SORCS3: variants seen among roughly 807,000 people sequenced by gnomAD.
The protein encoded by SORCS3 is sortilin related VPS10 domain containing receptor 3.
SORCS3 carries 57 observed loss-of-function variants against 146.3 expected under a neutral mutation model. The ratio of observed to expected loss-of-function variants is 0.39; its 90% CI spans 0.31 to 0.49. The LOEUF (loss-of-function observed/expected upper bound fraction) is 0.49, where lower values mean the gene tolerates loss of function less well. Among genes scored for constraint, SORCS3 ranks in the 20% least tolerant of loss-of-function variants. The pLI is 0.92. For missense variants in SORCS3, 1,341 were observed against 1,575.5 expected (o/e 0.85, Z 2.52); for synonymous variants, 653 against 618.5 (o/e 1.06, Z -0.83).
At chr10:105,245,023 C>G (rs373455247) in intron 20 of SORCS3, among the ~76,000 whole-genome samples, 2 of 146,014 alleles carry the variant, frequency 1.4e-5, no homozygotes, top group Non-Finnish European at 3.0e-5. Context: ...GAGCCGAGAT[C>G]GCATCATTGC....
At chr10:105,144,986 G>T (rs931075465) in intron 8 of SORCS3, among the ~76,000 whole-genome samples, 1 of 152,112 alleles carries the variant, frequency 6.6e-6, no homozygotes. Flanking sequence ...CCTGGACTTA[G>T]ATGCACCAGA....
At chr10:104,722,929 G>A (rs1377494239) in intron 1 of SORCS3, among the ~76,000 whole-genome samples, 1 of 152,210 alleles carries the variant, frequency 6.6e-6, no homozygotes, top group Middle Eastern at 3.4e-3. Flanking sequence ...CAAAAAACCA[G>A]CTCCTGTATT....
intron 1 of SORCS3, among the ~76,000 whole-genome samples, chr10:104,671,714 T>C (rs2015856650): frequency 6.6e-6 from 1 of 152,066 alleles, no homozygotes; most frequent in African/African-American, 2.4e-5. Flanking sequence ...CAAATGCTTT[T>C]TCTGCATCAA....
chr10:105,089,645 T>A (rs1397969143), intron 5 of SORCS3, 130 bp from the exon 6 acceptor site: 4 of 709,304 alleles, frequency 5.6e-6, no homozygotes, highest in Admixed American at 2.1e-5. Flanking sequence ...ATTCTGCTGG[T>A]TCCCATACTG....
At chr10:104,752,041 CT>C (rs1204062413) in intron 1 of SORCS3, among the ~76,000 whole-genome samples, 44 of 130,132 alleles carry the variant, frequency 3.4e-4, no homozygotes, top group Non-Finnish European at 4.3e-4. Flanking sequence ...AGTCTTAAAA[CT>C]TTTTTTTTTT....
chr10:104,852,410 C>T (rs2133554104), intron 2 of SORCS3, among the ~76,000 whole-genome samples: 1 of 152,262 alleles, frequency 6.6e-6, no homozygotes. Context: ...TATTTTGGGA[C>T]TAGTAGTTTC....
intron 3 of SORCS3, among the ~76,000 whole-genome samples, chr10:104,933,450 C>T (rs1453178510): frequency 6.6e-6 from 1 of 152,072 alleles, no homozygotes; most frequent in Non-Finnish European, 1.5e-5. Context: ...TCAGAGCTCC[C>T]AGCAGAGTAC....
At chr10:105,101,764 A>C (rs2055786814) in intron 6 of SORCS3, among the ~76,000 whole-genome samples, 1 of 152,198 alleles carries the variant, frequency 6.6e-6, no homozygotes, top group African/African-American at 2.4e-5. Flanking sequence ...TGGGAATAAG[A>C]AGGTGTCCCC....
intron 1 of SORCS3, among the ~76,000 whole-genome samples, chr10:104,821,853 A>C (rs1162914325): frequency 6.6e-6 from 1 of 152,148 alleles, no homozygotes; most frequent in Non-Finnish European, 1.5e-5. Context: ...CATTATGCTG[A>C]GAGTCTTGGG....
chr10:104,859,228 C>T (rs576967500), intron 2 of SORCS3, among the ~76,000 whole-genome samples: 1 of 152,040 alleles, frequency 6.6e-6, no homozygotes, highest in East Asian at 1.9e-4. Context: ...ATGTCCAGGC[C>T]CATCTGATCT....
intron 4 of SORCS3, among the ~76,000 whole-genome samples, chr10:105,027,257 C>G (rs772129276): frequency 1.3e-5 from 2 of 152,112 alleles, no homozygotes; most frequent in African/African-American, 4.8e-5. Flanking sequence ...GAGAAGTCTC[C>G]TCTGGCTTGT....
chr10:104,669,086 A>C (rs563022217), intron 1 of SORCS3, among the ~76,000 whole-genome samples: 1 of 152,346 alleles, frequency 6.6e-6, no homozygotes, highest in East Asian at 1.9e-4. Flanking sequence ...TTAGGAAGTC[A>C]GTTCATCTTT....
At chr10:104,858,080 A>G (rs1450177413) in intron 2 of SORCS3, among the ~76,000 whole-genome samples, 1 of 152,224 alleles carries the variant, frequency 6.6e-6, no homozygotes, top group Non-Finnish European at 1.5e-5. Context: ...CTGTGAAATG[A>G]GACAATGAGT....
At chr10:104,775,948 C>A (rs2017302894) in intron 1 of SORCS3, among the ~76,000 whole-genome samples, 1 of 152,142 alleles carries the variant, frequency 6.6e-6, no homozygotes, top group Non-Finnish European at 1.5e-5. Context: ...ATATTTCTTT[C>A]CTATTCTTTT....
chr10:105,042,689 G>A (rs1276420992), intron 4 of SORCS3, among the ~76,000 whole-genome samples: 2 of 152,262 alleles, frequency 1.3e-5, no homozygotes, highest in Admixed American at 6.5e-5. Flanking sequence ...GTAAAAGCAT[G>A]ATATTTTGCA....
chr10:105,076,221 G>C (rs1232471820), intron 5 of SORCS3, among the ~76,000 whole-genome samples: 1 of 152,186 alleles, frequency 6.6e-6, no homozygotes, highest in Non-Finnish European at 1.5e-5. Context: ...ATGTAGAGTT[G>C]AGATTAGAAT....
At chr10:104,940,997 T>C (rs757559426) in intron 3 of SORCS3, among the ~76,000 whole-genome samples, 1 of 152,186 alleles carries the variant, frequency 6.6e-6, no homozygotes, top group Non-Finnish European at 1.5e-5. Flanking sequence ...ATCCTCTTCC[T>C]TTTCGATCAT....
intron 20 of SORCS3, among the ~76,000 whole-genome samples, chr10:105,243,592 G>A (rs940388527): frequency 2.0e-5 from 3 of 152,162 alleles, no homozygotes; most frequent in African/African-American, 7.2e-5. Flanking sequence ...CCATGTGTGT[G>A]TCATCACCCA....
At chr10:104,980,065 G>T (rs1276876757) in intron 4 of SORCS3, among the ~76,000 whole-genome samples, 1 of 152,160 alleles carries the variant, frequency 6.6e-6, no homozygotes, top group Non-Finnish European at 1.5e-5. Flanking sequence ...AACATCTGGG[G>T]CATTGCTCAT....
Sources: gnomAD v4.1 joint callset for allele counts (sites outside exome capture counted in the v4.1 genomes callset) on GRCh38, gnomAD v4.1.1 for gene constraint, MANE v1.5 for transcripts, NCBI Gene and HGNC (gene_info 2026-07-23, HGNC 2026-07-21) for gene names.